Variants in NHEJ1 observed in about 807,000 individuals in gnomAD.
NHEJ1 encodes the protein non-homologous end-joining factor 1.
NHEJ1 carries 22 observed loss-of-function variants against 39.4 expected under a neutral mutation model. The ratio of observed to expected loss-of-function variants is 0.56; its 90% confidence interval spans 0.40 to 0.80. NHEJ1 has a LOEUF of 0.80. NHEJ1 is among the 30% of genes least tolerant of loss of function. NHEJ1 has a pLI of 0.00. For missense variants in NHEJ1, 329 were observed against 357.1 expected (o/e 0.92, Z 0.63); for synonymous variants, 154 against 135.6 (o/e 1.14, Z -0.94).
intron 5 of NHEJ1, among the ~76,000 whole-genome samples, chr2:219,104,201 C>T (rs1949293536): frequency 6.6e-6 from 1 of 152,168 alleles, no homozygotes; most frequent in Non-Finnish European, 1.5e-5. Flanking sequence ...GGAGCTGTGC[C>T]ATGCACAACC....
At chr2:219,097,801 G>T (rs1340214842) in intron 5 of NHEJ1, among the ~76,000 whole-genome samples, 1 of 152,158 alleles carries the variant, frequency 6.6e-6, no homozygotes, top group Admixed American at 6.5e-5. Flanking sequence ...TTGGGAGAAA[G>T]AACTGGGCTG....
rs1465941757 is a variant in NHEJ1 at position 219,073,315 on chromosome 2, T to C, written c.*3066A>G. On this transcript the variant is annotated 3_prime_UTR_variant, in exon 8 of 8. Transcript: ENST00000356853. ...CTTCCTGCCTTCTCAATAACTTTAC[T>C]ATCCCTTGGAAATCCTCCTTGATCT... 6.6e-6 allele frequency among the ~76,000 whole-genome samples: 1 copy of C among 152,222 alleles called. No individual in the cohort carries two copies. The highest frequency in any genetic ancestry group is 2.4e-5 in the African/African-American group (1 of 41,468).
At chr2:219,101,392 G>A (rs976725140) in intron 5 of NHEJ1, among the ~76,000 whole-genome samples, 5 of 152,092 alleles carry the variant, frequency 3.3e-5, no homozygotes, top group African/African-American at 1.2e-4. Context: ...TGGAATTACA[G>A]GGGTGAGCCA....
intron 5 of NHEJ1, among the ~76,000 whole-genome samples, chr2:219,142,720 T>C (rs1370426805): frequency 1.3e-5 from 2 of 152,144 alleles, no homozygotes; most frequent in African/African-American, 4.8e-5. Context: ...AGTCCCTAAG[T>C]CCCTGACTCT....
chr2:219,087,248 T>C (rs997314168), intron 5 of NHEJ1, among the ~76,000 whole-genome samples: 1 of 152,162 alleles, frequency 6.6e-6, no homozygotes, highest in Non-Finnish European at 1.5e-5. Context: ...AACAATGTGG[T>C]AGAAACTGGA....
At chr2:219,157,945 T>A (rs1191951374) in intron 2 of NHEJ1, among the ~76,000 whole-genome samples, 1 of 151,510 alleles carries the variant, frequency 6.6e-6, no homozygotes, top group Non-Finnish European at 1.5e-5. Context: ...TTCATTATCA[T>A]GCATAGGGTA....
intron 5 of NHEJ1, among the ~76,000 whole-genome samples, chr2:219,101,873 G>T (rs1446184067): frequency 6.6e-6 from 1 of 152,044 alleles, no homozygotes; most frequent in African/African-American, 2.4e-5. Flanking sequence ...TTACAGGCAT[G>T]TGCCACCACG....
In NHEJ1 at chr2:219,131,085, C is replaced by T. The variant is rs529356149; in HGVS notation, c.588+15595G>A. ...CCAGCTTGGGCAACAGAGCGAGACT[C>T]TGTCTCAAAAAGAAAAAAAACAAAC... On this transcript the variant is annotated intron_variant, in intron 5 of 7. Coordinates refer to ENST00000356853, the MANE Select transcript of NHEJ1 (RefSeq NM_024782.3). Among the ~76,000 whole-genome samples, 6 of 152,234 alleles carry T rather than the reference C, an allele frequency of 3.9e-5. No individual in the cohort carries two copies. In the South Asian group the frequency reaches 1.2e-3, roughly 32 times the overall value.
intron 5 of NHEJ1, among the ~76,000 whole-genome samples, chr2:219,122,485 T>C (rs1393466910): frequency 6.6e-6 from 1 of 152,220 alleles, no homozygotes; most frequent in Non-Finnish European, 1.5e-5. Flanking sequence ...CTATCCCCCA[T>C]AGTACTGGTA....
intron 5 of NHEJ1, among the ~76,000 whole-genome samples, chr2:219,082,824 G>A (rs2106323263): frequency 6.6e-6 from 1 of 152,278 alleles, no homozygotes; most frequent in Non-Finnish European, 1.5e-5. Context: ...CTTGCAATGT[G>A]GTAAACATTG....
In NHEJ1 at chr2:219,097,345, A is replaced by G. The variant is rs1311734780; in HGVS notation, c.589-19139T>C. On this transcript the variant is annotated intron_variant, in intron 5 of 7. Transcript: ENST00000356853. ...AAATGATGGTGGCTCAGACCAAGGT[A>G]TTAGAGCAGAGGCAGATTCTGTATT... Among the ~76,000 whole-genome samples, 2 of 152,204 alleles carry G rather than the reference A, an allele frequency of 1.3e-5. 1 individual carries two copies. Among genetic ancestry groups the G allele is most frequent in the Admixed American group, 1.3e-4 (2 of 15,282 alleles).
chr2:219,080,645 A>T (rs1420257343), intron 5 of NHEJ1, among the ~76,000 whole-genome samples: 1 of 117,328 alleles, frequency 8.5e-6, no homozygotes, highest in Non-Finnish European at 1.7e-5. Flanking sequence ...ATAAGCTTAT[A>T]TATATGCTAA....
intron 5 of NHEJ1, among the ~76,000 whole-genome samples, chr2:219,097,644 G>T (rs191985541): frequency 2.6e-5 from 4 of 152,248 alleles, no homozygotes. Context: ...ATTAACCAAG[G>T]AGAAGGCTAT....
intron 5 of NHEJ1, among the ~76,000 whole-genome samples, chr2:219,098,038 T>C (rs927626349): frequency 6.6e-6 from 1 of 152,256 alleles, no homozygotes; most frequent in Non-Finnish European, 1.5e-5. Flanking sequence ...CGAGAAGGAC[T>C]GGGCGACCAA....
chr2:219,140,094 C>G (rs1017367497), intron 5 of NHEJ1, among the ~76,000 whole-genome samples: 3 of 152,164 alleles, frequency 2.0e-5, no homozygotes, highest in African/African-American at 7.2e-5. Context: ...AAGAACATTC[C>G]AGGCAGAGGG....
chr2:219,146,664 A>C lies in NHEJ1; in HGVS notation c.588+16T>G. On this transcript the variant is annotated intron_variant, in intron 5 of 7. Transcript: ENST00000356853. ...AAGTAGGGCAAAGACACACAAGAAA[A>C]TGACAAATACCTTACCTCTATCATA... 6.2e-7 allele frequency: 1 copy of C among 1,602,820 alleles called. No individual in the cohort carries two copies. The highest frequency in any genetic ancestry group is 8.5e-7 in the Non-Finnish European group (1 of 1,169,706).
rs1308175881 is a variant in NHEJ1 at position 219,071,075 on chromosome 2, G to C, written c.*5306C>G. 6.6e-6 allele frequency among the ~76,000 whole-genome samples: 1 copy of C among 152,120 alleles called. No homozygotes were observed. Among genetic ancestry groups the C allele is most frequent in the Non-Finnish European group, 1.5e-5 (1 of 68,018 alleles). ...CAGGCTTTTTCTGTCTTGAGTAAGG[G>C]CTGTCTTTACCATGCATGATTCCCA... On this transcript the variant is annotated 3_prime_UTR_variant, in exon 8 of 8. Transcript: ENST00000356853.
At chr2:219,092,537 A>G (rs1949170115) in intron 5 of NHEJ1, among the ~76,000 whole-genome samples, 1 of 152,246 alleles carries the variant, frequency 6.6e-6, no homozygotes, top group South Asian at 2.1e-4. Flanking sequence ...CTGGTGACAG[A>G]TACTTCTAAT....
chr2:219,117,751 T>C (rs924241388), intron 5 of NHEJ1, among the ~76,000 whole-genome samples: 4 of 152,366 alleles, frequency 2.6e-5, no homozygotes, highest in Admixed American at 6.5e-5. Context: ...ACTTATTTAT[T>C]AGCTGTGCGA....
Sources: allele counts gnomAD v4.1 joint callset (sites outside exome capture counted in the v4.1 genomes callset), GRCh38; gene constraint gnomAD v4.1.1; transcripts MANE v1.5; gene names NCBI Gene and HGNC (gene_info 2026-07-23, HGNC 2026-07-21).